The following PYCR1 variants were observed in gnomAD, a reference collection of about 807,000 sequenced individuals.
PYCR1 encodes pyrroline-5-carboxylate reductase 1, mitochondrial.
Under a neutral mutation model 22.9 loss-of-function variants are expected in PYCR1, and 19 were observed. That is an observed-to-expected ratio of 0.83 (90% CI 0.58 to 1.22). PYCR1 has a LOEUF of 1.22. Among genes scored for constraint, PYCR1 ranks in the 50% most tolerant of loss-of-function variants. The pLI, the probability that PYCR1 is intolerant of heterozygous loss-of-function variation, is 0.00. For synonymous variants in PYCR1, 175 were observed against 180.5 expected (o/e 0.97, Z 0.24); for missense variants, 429 against 431.3 (o/e 0.99, Z 0.05).
Position 81,934,482 on chromosome 17 carries a change from G to C in PYCR1, c.641C>G (p.Ala214Gly), listed in dbSNP as rs2041104150. The C allele has an allele frequency of 6.3e-7, 1 of 1,599,772 alleles. No homozygotes were observed. Among genetic ancestry groups the C allele is most frequent in the South Asian group, 1.1e-5 (1 of 88,694 alleles). ...RLGAQALLGA[A>G]KMLLHSEQHP... ...CTGTTCTGAGTGCAGCAGCATCTTG[G>C]CAGCCCCCTGCAGCCAGAAGAAAGG... Residue 214 changes from alanine (A) to glycine (G), a missense_variant, in exon 6 of 7, where the codon GCC becomes GGC. Physicochemically the swap from Ala to Gly is moderately conservative, Grantham distance 60. Coordinates refer to ENST00000329875, the MANE Select transcript of PYCR1 (RefSeq NM_006907.4).
intron 1 of PYCR1, among the ~76,000 whole-genome samples, 158 bp from the exon 2 acceptor site, chr17:81,936,351 G>A (rs566725319): frequency 2.0e-5 from 3 of 151,928 alleles, no homozygotes; most frequent in African/African-American, 7.2e-5. Flanking sequence ...TCAGCCTCCC[G>A]AGTAGCTGGG....
Position 81,934,306 on chromosome 17 carries a change from C to T in PYCR1, c.797+20G>A, listed in dbSNP as rs758486689. 1.9e-5 allele frequency: 30 copies of T among 1,612,046 alleles called. No individual in the cohort carries two copies. Among genetic ancestry groups the T allele is most frequent in the Admixed American group, 8.3e-5 (5 of 59,924 alleles). ...ATGCAAGGACTGGAGACCAGGGAAG[C>T]GGGCAGCGCGGGGGCCCACCGTGTG... On this transcript the variant is annotated intron_variant, in intron 6 of 6. Coordinates refer to ENST00000329875, the MANE Select transcript of PYCR1 (RefSeq NM_006907.4).
rs1252262816 is a variant in PYCR1 at position 81,936,991 on chromosome 17, C to T, written c.-177G>A. ...TAACTTTCCACTTTGCTGTCCGGCC[C>T]GTTAACTGCTTCGGGGCCCCCAGTC... On this transcript the variant is annotated 5_prime_UTR_variant, in exon 1 of 7. Transcript: ENST00000329875. The T allele has an allele frequency of 5.4e-6, 8 of 1,476,298 alleles. No homozygotes were observed. The highest frequency in any genetic ancestry group is 2.4e-4 in the Middle Eastern group (1 of 4,124). 91.4% of individuals were successfully genotyped at this position (1,476,298 alleles called of 1,614,324 possible). A position where few individuals can be genotyped will look rare whatever the true frequency, so the allele number is the denominator to read the frequency against.
chr17:81,933,280 G>A lies in PYCR1; in HGVS notation c.894C>T (p.Thr298=), dbSNP rs35589179. 2,440 of 1,614,008 alleles carry A rather than the reference G, an allele frequency of 1.5e-3. 36 individuals are homozygous for A. The African/African-American group carries it at 0.027, about 18-fold the overall frequency. Residue 298 remains threonine, a synonymous_variant, in exon 7 of 7, where the codon ACC becomes ACT. Transcript: ENST00000329875. ...TGGTGTGGCCAGAAGGTGACAGAGC[G>A]GTCCCTGCAGGGGAGTCCAGCTTCA... The part of the protein sequence containing the change: ...DKVKLDSPAG[T]ALSPSGHTKL...
chr17:81,933,472 G>C lies in PYCR1; in HGVS notation c.798-96C>G, dbSNP rs1025473107. ...CTCCCAGTGCCAGTCAGCCCTGGGC[G>C]ATGCTGTCACCCTCACCTCAGCACC... On this transcript the variant is annotated intron_variant, in intron 6 of 6. Coordinates refer to ENST00000329875, the MANE Select transcript of PYCR1 (RefSeq NM_006907.4). 4 of 1,451,674 alleles carry C rather than the reference G, an allele frequency of 2.8e-6. No homozygotes were observed. In the African/African-American group the frequency reaches 5.6e-5, roughly 20 times the overall value. 89.9% of individuals were successfully genotyped at this position (1,451,674 alleles called of 1,614,324 possible).
At chr17:81,936,034 CTGGGG>C in intron 2 of PYCR1, 84 bp downstream of exon 2, 1 of 1,468,988 alleles carries the variant, frequency 6.8e-7, no homozygotes, top group Admixed American at 1.7e-5. Flanking sequence ...CCTGCCCTCA[CTGGGG>C]TGGGGGCTAC....
chr17:81,932,918 G>A lies in PYCR1; in HGVS notation c.*296C>T. 3 of 1,612,122 alleles carry A rather than the reference G, an allele frequency of 1.9e-6. No homozygotes were observed. Among genetic ancestry groups the A allele is most frequent in the Non-Finnish European group, 8.5e-7 (1 of 1,179,546 alleles). On this transcript the variant is annotated 3_prime_UTR_variant, in exon 7 of 7. Transcript: ENST00000329875. Reference sequence around the variant, plus strand: ...CGTGCCAGCTGATACTGGAGTAGGAGTGGGTGAAGACCCTCCGGGCTCCCG... The same window carrying A: ...CGTGCCAGCTGATACTGGAGTAGGAATGGGTGAAGACCCTCCGGGCTCCCG...
At position 81,935,123 on chromosome 17, in the gene PYCR1, G is replaced by C. The variant is rs1479494208; in HGVS notation, c.343C>G (p.Pro115Ala). ...EKKLSAFRPA[P>A]RVIRCMTNTP... Reference sequence around the variant, plus strand: ...TTGGTCATGCAGCGGATGACCCTGGGGGCTGGCCGAAACGCTGACAGCTTC... The same window carrying C: ...TTGGTCATGCAGCGGATGACCCTGGCGGCTGGCCGAAACGCTGACAGCTTC... The change falls in exon 4 of 7, where the codon CCC becomes GCC. Residue 115 changes from proline to alanine, a missense_variant. Physicochemically the swap from Pro to Ala is conservative, Grantham distance 27. Coordinates refer to ENST00000329875, the MANE Select transcript of PYCR1 (RefSeq NM_006907.4). The C allele has an allele frequency of 2.5e-6, 4 of 1,608,960 alleles. No individual in the cohort carries two copies. The highest frequency in any genetic ancestry group is 3.6e-4 in the Middle Eastern group (2 of 5,614).
rs539932818 is a variant in PYCR1 at position 81,935,450 on chromosome 17, C to A, written c.205G>T (p.Ala69Ser). ...TVQHSDVLFLAVKPHIIPFIL... is the reference protein window; with the variant it reads ...TVQHSDVLFLSVKPHIIPFIL... ...AAGGGGATGATGTGTGGCTTCACAGCCAGGAAGAGCACATCACTGTGCTGC... is the reference window on the plus strand; with the variant it reads ...AAGGGGATGATGTGTGGCTTCACAGACAGGAAGAGCACATCACTGTGCTGC... The change falls in exon 3 of 7, where the codon GCT (alanine) becomes TCT (serine). Residue 69 changes from alanine to serine, a missense_variant. Physicochemically the swap from Ala to Ser is moderately conservative, Grantham distance 99 (BLOSUM62 1). Transcript: ENST00000329875. The A allele has an allele frequency of 6.2e-7, 1 of 1,613,432 alleles. No homozygotes were observed. Among genetic ancestry groups the A allele is most frequent in the South Asian group, 1.1e-5 (1 of 90,986 alleles).
Position 81,934,347 on chromosome 17 carries a change from T to C in PYCR1, c.776A>G (p.Glu259Gly). 6.2e-7 allele frequency: 1 copy of C among 1,612,910 alleles called. No individual in the cohort carries two copies. Among genetic ancestry groups the C allele is most frequent in the Non-Finnish European group, 8.5e-7 (1 of 1,179,954 alleles). Residue 259 changes from glutamate to glycine, a missense_variant, in exon 6 of 7, where the codon GAG becomes GGG. Physicochemically the swap from Glu to Gly is moderately conservative, Grantham distance 98. Coordinates refer to ENST00000329875, the MANE Select transcript of PYCR1 (RefSeq NM_006907.4). ...GFRSLLINAV[E>G]ASCIRTRELQ... The stretch of plus-strand genomic sequence containing the variant: ...CCACCGTGTGCGGATGCAGGAGGCC[T>C]CCACAGCGTTGATGAGCAGGGAGCG...
chr17:81,935,203 C>T (rs2041147772), intron 3 of PYCR1, 56 bp from the exon 4 acceptor site: 2 of 1,568,236 alleles, frequency 1.3e-6, no homozygotes, highest in Admixed American at 1.8e-5. Context: ...TAGATGCACT[C>T]ACCCCACCAA....
intron 2 of PYCR1, 98 bp from the exon 3 acceptor site, chr17:81,935,614 A>G: frequency 2.2e-5 from 11 of 496,460 alleles, no homozygotes; most frequent in East Asian, 5.6e-5. Context: ...AGAATGCTGG[A>G]GTTGGGGGTG....
At chr17:81,934,230 G>A (rs1029697918) in intron 6 of PYCR1, 96 bp downstream of exon 6, 13 of 1,531,618 alleles carry the variant, frequency 8.5e-6, no homozygotes, top group South Asian at 2.3e-5. Context: ...AGCTCAATAC[G>A]TATCTGCTGA....
intron 1 of PYCR1, among the ~76,000 whole-genome samples, 192 bp downstream of exon 1, chr17:81,936,556 C>T (rs2143901320): frequency 6.6e-6 from 1 of 152,354 alleles, no homozygotes; most frequent in South Asian, 2.1e-4. Flanking sequence ...CTAGCTTTGG[C>T]TTCCCTCCCT....
chr17:81,932,715 G>C lies in PYCR1; in HGVS notation c.*499C>G. 1 of 1,003,350 alleles carries C rather than the reference G, an allele frequency of 1.0e-6. No homozygotes were observed. The highest frequency in any genetic ancestry group is 2.6e-5 in the East Asian group (1 of 37,828). 62.2% of individuals were successfully genotyped at this position (1,003,350 alleles called of 1,614,324 possible). On this transcript the variant is annotated 3_prime_UTR_variant, in exon 7 of 7. Transcript: ENST00000329875. ...GGATCTGCGTGCTTGGCAGCCAAGA[G>C]GGGCTGTGGCCCTTCACGCTGGACT...
rs1302067242 is a variant in PYCR1, at chr17:81,935,323, G to A, written c.318+14C>T. On this transcript the variant is annotated intron_variant, in intron 3 of 6. Coordinates refer to ENST00000329875, the MANE Select transcript of PYCR1 (RefSeq NM_006907.4). ...ACAGCCCCTCTCCACACCCCACTGG[G>A]CCTGCGGTGCTACCTTCTCAATGGA... 1 of 1,610,994 alleles carries A rather than the reference G, an allele frequency of 6.2e-7. No homozygotes were observed. Among genetic ancestry groups the A allele is most frequent in the African/African-American group, 1.3e-5 (1 of 74,862 alleles).
chr17:81,936,119 C>T lies in PYCR1; in HGVS notation c.138+4G>A. ...TCTCCTTTCTCCCTTTCATCTGCAC[C>T]TACCCTGAGAGCAGAAACTGTGGCC... On this transcript the variant is annotated splice_donor_region_variant and intron_variant, in intron 2 of 6. Transcript: ENST00000329875. 6.2e-7 allele frequency: 1 copy of T among 1,613,842 alleles called. No homozygotes were observed. The highest frequency in any genetic ancestry group is 8.5e-7 in the Non-Finnish European group (1 of 1,179,832).
intron 2 of PYCR1, 78 bp downstream of exon 2, chr17:81,936,045 G>A: frequency 6.6e-7 from 1 of 1,516,746 alleles, no homozygotes; most frequent in Non-Finnish European, 9.1e-7. Context: ...TGGGGTGGGG[G>A]CTACAGCACA....
rs2041012819 is a variant in PYCR1 at position 81,932,436 on chromosome 17, G to A, written c.*778C>T. The stretch of plus-strand genomic sequence containing the variant: ...AATCAGTAAGGCAGATGCCCTCCAA[G>A]ATGTGGGCGGGCCTTGTCTAATCAG... On this transcript the variant is annotated 3_prime_UTR_variant, in exon 7 of 7. Transcript: ENST00000329875. 1 of 235,626 alleles carries A rather than the reference G, an allele frequency of 4.2e-6. No individual in the cohort carries two copies. The highest frequency in any genetic ancestry group is 6.2e-5 in the South Asian group (1 of 16,186). 14.6% of individuals were successfully genotyped at this position (235,626 alleles called of 1,614,324 possible). A position where few individuals can be genotyped will look rare whatever the true frequency, so the allele number is the denominator to read the frequency against.
Sources: gnomAD v4.1 joint callset for allele counts (sites outside exome capture counted in the v4.1 genomes callset) on GRCh38, gnomAD v4.1.1 for gene constraint, MANE v1.5 for transcripts, NCBI Gene and HGNC (gene_info 2026-07-23, HGNC 2026-07-21) for gene names.